The following FGF14 variants were observed in gnomAD, a reference collection of about 807,000 sequenced individuals.
The protein encoded by FGF14 is fibroblast growth factor 14.
A neutral mutation model predicts 25.5 loss-of-function variants in FGF14; 5 were observed. That is an observed-to-expected ratio of 0.20 (90% confidence interval 0.10 to 0.41). The LOEUF (loss-of-function observed/expected upper bound fraction) is 0.41, where lower values mean the gene tolerates loss of function less well. FGF14 is among the 10% of genes least tolerant of loss of function. The pLI is 1.00. For missense variants in FGF14, 222 were observed against 320.1 expected (o/e 0.69, Z 2.34); for synonymous variants, 138 against 118.3 (o/e 1.17, Z -1.08).
At chr13:101,836,254 CT>C (rs1594425524) in intron 3 of FGF14, among the ~76,000 whole-genome samples, 1 of 151,994 alleles carries the variant, frequency 6.6e-6, no homozygotes, top group Non-Finnish European at 1.5e-5. Context: ...TATGACTGCT[CT>C]AAGACAAATA....
intron 3 of FGF14, among the ~76,000 whole-genome samples, chr13:101,814,796 G>C (rs908465807): frequency 6.6e-6 from 1 of 152,166 alleles, no homozygotes; most frequent in African/African-American, 2.4e-5. Context: ...CATTCATCAA[G>C]TGATGGCTAT....
intron 1 of FGF14, among the ~76,000 whole-genome samples, chr13:102,202,134 C>T (rs1299282539): frequency 6.6e-6 from 1 of 152,164 alleles, no homozygotes; most frequent in Non-Finnish European, 1.5e-5. Context: ...GAGGCCTCCC[C>T]AGAAGCAGAT....
intron 1 of FGF14, among the ~76,000 whole-genome samples, chr13:102,322,090 T>C (rs2056265218): frequency 6.6e-6 from 1 of 152,184 alleles, no homozygotes; most frequent in Admixed American, 6.5e-5. Flanking sequence ...GCATTCACTG[T>C]AATGAAAAAC....
chr13:101,843,156 G>T (rs191317565), intron 3 of FGF14, among the ~76,000 whole-genome samples: 1 of 152,002 alleles, frequency 6.6e-6, no homozygotes, highest in Admixed American at 6.6e-5. Context: ...AAGTATTCTT[G>T]AGCACTTCTT....
chr13:101,817,869 A>C (rs993460880), intron 3 of FGF14, among the ~76,000 whole-genome samples: 2 of 152,250 alleles, frequency 1.3e-5, no homozygotes, highest in African/African-American at 4.8e-5. Context: ...ATTGTCAAGT[A>C]TGGTTCTGAT....
chr13:102,014,192 A>G (rs73571564), intron 1 of FGF14, among the ~76,000 whole-genome samples: 4,861 of 152,180 alleles, frequency 0.032, 246 homozygotes, highest in African/African-American at 0.11. Flanking sequence ...TGATGTACAC[A>G]TTGTGCACAT....
At chr13:101,961,643 T>C (rs556938779) in intron 1 of FGF14, among the ~76,000 whole-genome samples, 15 of 152,272 alleles carry the variant, frequency 9.9e-5, no homozygotes, top group South Asian at 6.2e-4. Context: ...AATTGAATCA[T>C]GGGGACGGTT....
rs79091511 is a variant in FGF14 at position 101,768,800 on chromosome 13, C to T, written c.409-41990G>A. ...ATAAATCCAAACATAGATCATACGTCCTTCATAACATTAACTTAAAATGGA... is the reference window on the plus strand; with the variant it reads ...ATAAATCCAAACATAGATCATACGTTCTTCATAACATTAACTTAAAATGGA... On this transcript the variant is annotated intron_variant, in intron 3 of 4. Coordinates refer to ENST00000376143, the MANE Select transcript of FGF14 (RefSeq NM_004115.4). Among the ~76,000 whole-genome samples the T allele has an allele frequency of 1.2e-3, 182 of 152,202 alleles. 3 individuals carry two copies. Among genetic ancestry groups the T allele is most frequent in the Admixed American group, 4.3e-3 (65 of 15,270 alleles).
intron 1 of FGF14, among the ~76,000 whole-genome samples, chr13:102,158,866 C>CAGTG (rs1175913692): frequency 2.6e-5 from 4 of 152,118 alleles, no homozygotes; most frequent in Admixed American, 1.3e-4. Flanking sequence ...CGGCCAGGTG[C>CAGTG]AGTGGCTCAT....
chr13:101,848,895 A>G (rs1267171608), intron 3 of FGF14, among the ~76,000 whole-genome samples: 1 of 152,084 alleles, frequency 6.6e-6, no homozygotes, highest in Non-Finnish European at 1.5e-5. Flanking sequence ...TACAAAAAAA[A>G]TCTTCTGAAT....
chr13:101,817,691 G>A (rs1212054964), intron 3 of FGF14, among the ~76,000 whole-genome samples: 1 of 152,186 alleles, frequency 6.6e-6, no homozygotes, highest in Admixed American at 6.5e-5. Flanking sequence ...CTGGGTGAAG[G>A]CGCTCTGCTA....
chr13:102,306,709 C>G (rs1407684462), intron 1 of FGF14, among the ~76,000 whole-genome samples: 1 of 152,164 alleles, frequency 6.6e-6, no homozygotes, highest in Non-Finnish European at 1.5e-5. Context: ...AAGAAATTAG[C>G]ATACCTACTC....
At chr13:101,745,199 T>C (rs1029011720) in intron 3 of FGF14, among the ~76,000 whole-genome samples, 5 of 152,014 alleles carry the variant, frequency 3.3e-5, no homozygotes, top group African/African-American at 4.8e-5. Context: ...ATATACACGT[T>C]TTATTTAATA....
intron 1 of FGF14, among the ~76,000 whole-genome samples, chr13:102,034,102 G>A (rs1826369131): frequency 6.6e-6 from 1 of 152,116 alleles, no homozygotes; most frequent in African/African-American, 2.4e-5. Flanking sequence ...CAGGAAAGGA[G>A]AAGACTGCAT....
At chr13:102,314,362 A>C (rs1282185877) in intron 1 of FGF14, among the ~76,000 whole-genome samples, 3 of 152,194 alleles carry the variant, frequency 2.0e-5, no homozygotes, top group Non-Finnish European at 4.4e-5. Context: ...TTCTATATTG[A>C]CTACTTACTA....
At chr13:102,137,780 G>T (rs1454797379) in intron 1 of FGF14, among the ~76,000 whole-genome samples, 1 of 151,908 alleles carries the variant, frequency 6.6e-6, no homozygotes, top group East Asian at 2.0e-4. Context: ...GTCTTTTAGG[G>T]CCATAAGTTA....
At chr13:101,734,980 T>C (rs541438525) in intron 3 of FGF14, among the ~76,000 whole-genome samples, 9 of 152,344 alleles carry the variant, frequency 5.9e-5, no homozygotes, top group African/African-American at 2.2e-4. Context: ...TGCCATGTAA[T>C]TTGCAGCATT....
chr13:101,801,958 TAAA>T (rs2040898394), intron 3 of FGF14: 2 of 473,460 alleles, frequency 4.2e-6, no homozygotes, highest in Non-Finnish European at 8.4e-6. Flanking sequence ...GAGAAGAACA[TAAA>T]AAGAAAAACC....
chr13:102,401,787 A>C (rs1471807949), upstream of FGF14: 1 of 937,044 alleles, frequency 1.1e-6, no homozygotes, highest in Non-Finnish European at 1.7e-6. Context: ...TGAATGATTT[A>C]TCCCCCCTCG....
Sources: allele counts gnomAD v4.1 joint callset (sites outside exome capture counted in the v4.1 genomes callset), GRCh38; gene constraint gnomAD v4.1.1; transcripts MANE v1.5; gene names NCBI Gene and HGNC (gene_info 2026-07-23, HGNC 2026-07-21).